CHADL: variants seen among roughly 807,000 people sequenced by gnomAD.
CHADL encodes the protein chondroadherin-like protein.
CHADL carries 48 observed loss-of-function variants against 52.1 expected under a neutral mutation model. That is an observed-to-expected ratio of 0.92 (90% confidence interval 0.73 to 1.17). The LOEUF (loss-of-function observed/expected upper bound fraction) is 1.17, where lower values mean the gene tolerates loss of function less well. CHADL is among the 50% of genes most tolerant of loss of function. The pLI is 0.00. For missense variants in CHADL, 977 were observed against 1,035.1 expected, an observed-to-expected ratio of 0.94 and a Z score of 0.77; for synonymous variants, 498 against 511.2, an observed-to-expected ratio of 0.97 and a Z score of 0.35.
intron 5 of CHADL, among the ~76,000 whole-genome samples, chr22:41,231,870 C>T (rs2032601671): frequency 6.6e-6 from 1 of 152,144 alleles, no homozygotes; most frequent in Non-Finnish European, 1.5e-5. Flanking sequence ...AGTCTAGCCC[C>T]TCTGCTGCAG....
chr22:41,235,434 T>G (rs2032723969), intron 4 of CHADL, 91 bp from the exon 5 acceptor site: 2 of 1,027,716 alleles, frequency 1.9e-6, no homozygotes, highest in African/African-American at 1.6e-5. Context: ...GCAGGGTTGG[T>G]GCAGAAGGCA....
intron 5 of CHADL, chr22:41,231,199 T>C (rs944873149): frequency 6.6e-6 from 1 of 152,122 alleles, no homozygotes; most frequent in African/African-American, 2.4e-5. Flanking sequence ...GGAGGACACA[T>C]CTAGCTGCCA....
Position 41,238,875 on chromosome 22 carries a change from C to A in CHADL, c.197G>T (p.Arg66Leu), listed in dbSNP as rs764444068. Residue 66 changes from arginine to leucine, a missense_variant, in exon 3 of 6, where the codon CGG becomes CTG. Coordinates refer to ENST00000216241, the MANE Select transcript of CHADL (RefSeq NM_138481.2). The surrounding 1 kb of genome is among the most constrained non-coding windows in gnomAD (Gnocchi z 4.9). Reference protein sequence around the residue: ...VPDAIPELTQRLDLQGNLLKV... With the variant: ...VPDAIPELTQLLDLQGNLLKV... Reference sequence around the variant, plus strand: ...CAGCAAATTGCCCTGCAGGTCCAGCCGCTGGGTCAGCTGGGGACAGCGAGG... The same window carrying A: ...CAGCAAATTGCCCTGCAGGTCCAGCAGCTGGGTCAGCTGGGGACAGCGAGG... 6.5e-7 allele frequency: 1 copy of A among 1,536,178 alleles called. No homozygotes were observed. The highest frequency in any genetic ancestry group is 1.2e-5 in the South Asian group (1 of 83,360).
chr22:41,235,579 G>A (rs2032725753), intron 4 of CHADL, among the ~76,000 whole-genome samples: 1 of 152,202 alleles, frequency 6.6e-6, no homozygotes, highest in Admixed American at 6.5e-5. Context: ...TGAGAATCTT[G>A]GCGGCTCACC....
Position 41,230,076 on chromosome 22 carries a change from T to TCCACCC in CHADL, c.2263-347_2263-346insGGGTGG. The TCCACCC allele has an allele frequency of 4.4e-6, 4 of 912,384 alleles. No individual in the cohort carries two copies. The South Asian group carries it at 4.8e-5, about 11-fold the overall frequency. The allele number at this position is 912,384 out of a possible 1,614,324, so 56.5% of individuals were successfully genotyped here. A position where few individuals can be genotyped will look rare whatever the true frequency, so the allele number is the denominator to read the frequency against. On this transcript the variant is annotated intron_variant, in intron 5 of 5. Transcript: ENST00000216241. ...GGAGCCAGGTCCCTTTCCCAGCTCC[T>TCCACCC]CCGCCCCCACCCCTCCCAGAGTTAT...
intron 5 of CHADL, chr22:41,230,669 T>G: frequency 5.3e-6 from 1 of 187,794 alleles, no homozygotes; most frequent in South Asian, 1.1e-4. Context: ...CCATGTAAAT[T>G]AAGTTCTAGA....
Position 41,232,055 on chromosome 22 carries a change from G to A in CHADL, c.2263-2325C>T, listed in dbSNP as rs943962780. ...GCTGCTTAAATTTACACCTGTTGCC[G>A]GGCGCGGTGGCTCACGCCTGTAATC... On this transcript the variant is annotated intron_variant, in intron 5 of 5. Transcript: ENST00000216241. Among the ~76,000 whole-genome samples, 24 of 152,306 alleles carry A rather than the reference G, an allele frequency of 1.6e-4. No individual in the cohort carries two copies. In the East Asian group the frequency reaches 1.9e-3, roughly 12 times the overall value.
intron 5 of CHADL, chr22:41,231,271 A>AG (rs1483620179): frequency 6.6e-6 from 1 of 152,144 alleles, no homozygotes; most frequent in Admixed American, 6.5e-5. Context: ...TGCTTGCTTG[A>AG]GTCCCGTTTG....
At position 41,229,629 on chromosome 22, in the gene CHADL, A is replaced by T. The variant is rs781212496; in HGVS notation, c.*75T>A. 3 of 1,613,758 alleles carry T rather than the reference A, an allele frequency of 1.9e-6. No homozygotes were observed. In the Admixed American group the frequency reaches 5.0e-5, roughly 27 times the overall value. On this transcript the variant is annotated 3_prime_UTR_variant, in exon 6 of 6. Coordinates refer to ENST00000216241, the MANE Select transcript of CHADL (RefSeq NM_138481.2). The stretch of plus-strand genomic sequence containing the variant: ...GGACGACCCTCAGGGTGCCAGGAAG[A>T]TCTCGTCGGAGCCTGTTCCTGGCGA...
intron 4 of CHADL, among the ~76,000 whole-genome samples, chr22:41,236,115 GC>G: frequency 6.6e-6 from 1 of 152,196 alleles, no homozygotes; most frequent in Non-Finnish European, 1.5e-5. Flanking sequence ...CAGGTGATCA[GC>G]CTGCATTGGC....
chr22:41,232,792 C>T (rs2032650753), intron 5 of CHADL, among the ~76,000 whole-genome samples: 1 of 152,130 alleles, frequency 6.6e-6, no homozygotes, highest in Admixed American at 6.5e-5. Flanking sequence ...GCTTCCACTC[C>T]TGAACCCAGC....
chr22:41,238,265 C>T lies in CHADL; in HGVS notation c.807G>A (p.Leu269=). 2 of 1,530,148 alleles carry T rather than the reference C, an allele frequency of 1.3e-6. No homozygotes were observed. The highest frequency in any genetic ancestry group is 2.5e-5 in the East Asian group (1 of 40,616). 94.8% of individuals were successfully genotyped at this position (1,530,148 alleles called of 1,614,324 possible). The change falls in exon 3 of 6, where the codon CTG becomes CTA. Residue 269 remains leucine (L), a synonymous_variant. Transcript: ENST00000216241. This position sits in a 1 kb window ranked among gnomAD's most constrained non-coding sequence, Gnocchi z 4.9. ...GACAGTGTGCGAAGGCCCTGGGACC[C>T]AGGGCCTGCAGGGCCCCGCCGTCCA... is the stretch of plus-strand genomic sequence containing the variant. The part of the protein sequence containing the change: ...LLLDGGALQA[L]GPRAFAHCPR...
At position 41,238,114 on chromosome 22, in the gene CHADL, G is replaced by A; in HGVS notation, c.958C>T (p.Pro320Ser). The A allele has an allele frequency of 6.0e-6, 8 of 1,340,624 alleles. No homozygotes were observed. Among genetic ancestry groups the A allele is most frequent in the Non-Finnish European group, 7.6e-6 (8 of 1,054,240 alleles). 83.0% of individuals were successfully genotyped at this position (1,340,624 alleles called of 1,614,324 possible). A position where few individuals can be genotyped will look rare whatever the true frequency, so the allele number is the denominator to read the frequency against. Residue 320 changes from proline to serine, a missense_variant, in exon 3 of 6, where the codon CCC becomes TCC. Transcript: ENST00000216241. The surrounding 1 kb of genome is among the most constrained non-coding windows in gnomAD (Gnocchi z 4.9). The stretch of plus-strand genomic sequence containing the variant: ...GCCCGCGCCAGCCACTCGAGTAGGG[G>A]CCGCGCCTGGCAGCCGCACCACAGC... ...NPLWCGCQAR[P>S]LLEWLARARV...
chr22:41,238,057 G>T lies in CHADL; in HGVS notation c.1015C>A (p.Pro339Thr), dbSNP rs751356288. ...RVRSDGACQGPRRLRGEALDA... is the reference protein window; with the variant it reads ...RVRSDGACQGTRRLRGEALDA... ...AGAGCCTCGCCCCGCAGGCGCCGCG[G>T]CCCCTGGCACGCGCCGTCCGAGCGC... Residue 339 changes from proline to threonine, a missense_variant, in exon 3 of 6, where the codon CCG becomes ACG. By Grantham distance (38) the Pro-to-Thr change is conservative. Coordinates refer to ENST00000216241, the MANE Select transcript of CHADL (RefSeq NM_138481.2). This position sits in a 1 kb window ranked among gnomAD's most constrained non-coding sequence, Gnocchi z 4.9. 3.1e-6 allele frequency: 4 copies of T among 1,273,868 alleles called. No individual in the cohort carries two copies. In the South Asian group the frequency reaches 1.1e-4, roughly 36 times the overall value. 78.9% of individuals were successfully genotyped at this position (1,273,868 alleles called of 1,614,324 possible).
At chr22:41,235,955 T>A (rs541257808) in intron 4 of CHADL, among the ~76,000 whole-genome samples, 1 of 152,142 alleles carries the variant, frequency 6.6e-6, no homozygotes, top group South Asian at 2.1e-4. Flanking sequence ...CACAGCAACC[T>A]CTGCCTCCCA....
In CHADL at chr22:41,238,719, G is replaced by T; in HGVS notation, c.353C>A (p.Ala118Asp). The T allele has an allele frequency of 6.5e-7, 1 of 1,548,070 alleles. No individual in the cohort carries two copies. Residue 118 changes from alanine (A) to aspartate (D), a missense_variant, in exon 3 of 6, where the codon GCC becomes GAC. Transcript: ENST00000216241. The surrounding 1 kb of genome is among the most constrained non-coding windows in gnomAD (Gnocchi z 4.9). The part of the protein sequence containing the change: ...GLGRLLLLNL[A>D]SNHLRELPQE... Reference sequence around the variant, plus strand: ...GGGCAGCTCACGCAGGTGGTTGGAGGCCAGGTTGAGCAGGAGCAGGCGGCC... The same window carrying T: ...GGGCAGCTCACGCAGGTGGTTGGAGTCCAGGTTGAGCAGGAGCAGGCGGCC...
Position 41,238,663 on chromosome 22 carries a change from G to A in CHADL, c.409C>T (p.Arg137Trp), listed in dbSNP as rs746187071. 8 of 1,544,582 alleles carry A rather than the reference G, an allele frequency of 5.2e-6. No individual in the cohort carries two copies. Among genetic ancestry groups the A allele is most frequent in the Admixed American group, 2.0e-5 (1 of 50,892 alleles). The change falls in exon 3 of 6, where the codon CGG becomes TGG. Residue 137 changes from arginine (R) to tryptophan (W), a missense_variant. Coordinates refer to ENST00000216241, the MANE Select transcript of CHADL (RefSeq NM_138481.2). The surrounding 1 kb of genome is among the most constrained non-coding windows in gnomAD (Gnocchi z 4.9). ...GCGTTCCCCTCCAGCTCCAGCCGCC[G>A]CAACGAGCCCAGCCCGTCCAGCGCC... ...QEALDGLGSL[R>W]RLELEGNALE...
At chr22:41,240,355 C>T (rs1267753001) in intron 1 of CHADL, among the ~76,000 whole-genome samples, 2 of 152,174 alleles carry the variant, frequency 1.3e-5, no homozygotes, top group Non-Finnish European at 2.9e-5. Context: ...CCTCCCAAAG[C>T]GCTAGGATGA....
intron 5 of CHADL, chr22:41,230,089 C>CCCCCCCCCCCCCTT: frequency 1.1e-6 from 1 of 873,242 alleles, no homozygotes; most frequent in Non-Finnish European, 1.8e-6. Flanking sequence ...GCCCCCACCC[C>CCCCCCCCCCCCCTT]TCCCAGAGTT....
Sources: gnomAD v4.1 joint callset for allele counts (sites outside exome capture counted in the v4.1 genomes callset) on GRCh38, gnomAD v4.1.1 for gene constraint, Gnocchi (gnomAD v3.1) non-coding constraint, MANE v1.5 for transcripts, NCBI Gene and HGNC (gene_info 2026-07-23, HGNC 2026-07-21) for gene names.